Variants in KCND2 observed in about 807,000 individuals in gnomAD.
KCND2 encodes the protein potassium voltage-gated channel subfamily D member 2.
A neutral mutation model predicts 54.4 loss-of-function variants in KCND2; 16 were observed. That is an observed-to-expected ratio of 0.29 (90% CI 0.20 to 0.45). KCND2 has a LOEUF of 0.45. Ranked by LOEUF, KCND2 falls within the 20% of genes least tolerant of loss-of-function variation. The pLI is 1.00. For synonymous variants in KCND2, 317 were observed against 310.7 expected (o/e 1.02, Z -0.21); for missense variants, 486 against 824.2 (o/e 0.59, Z 5.02).
At position 120,381,254 on chromosome 7, in the gene KCND2, C is replaced by CA. The variant is rs375230020; in HGVS notation, c.1115+105514dup. The stretch of plus-strand genomic sequence containing the variant: ...TGGATGATGGAGTGAGACTGTGTCT[C>CA]AAAAAAATTAAATAAACAAATAAAG... On this transcript the variant is annotated intron_variant, in intron 1 of 5. Transcript: ENST00000331113. 2.7e-3 allele frequency among the ~76,000 whole-genome samples: 408 copies of CA among 151,716 alleles called. 2 individuals are homozygous for CA. The highest frequency in any genetic ancestry group is 8.9e-3 in the African/African-American group (369 of 41,362).
chr7:120,589,101 G>A (rs185280304), intron 1 of KCND2, among the ~76,000 whole-genome samples: 2 of 152,102 alleles, frequency 1.3e-5, no homozygotes, highest in East Asian at 1.9e-4. Context: ...GCTAACACAC[G>A]TTTATTATTT....
At chr7:120,387,893 A>G (rs988599758) in intron 1 of KCND2, among the ~76,000 whole-genome samples, 34 of 152,084 alleles carry the variant, frequency 2.2e-4, no homozygotes, top group African/African-American at 7.2e-5. Flanking sequence ...TCTCTAGGTC[A>G]TCATTCCAAA....
At chr7:120,413,834 T>G (rs1801485810) in intron 1 of KCND2, among the ~76,000 whole-genome samples, 1 of 151,966 alleles carries the variant, frequency 6.6e-6, no homozygotes, top group Admixed American at 6.6e-5. Flanking sequence ...TTTTTTTCTA[T>G]GGAAGGCTTA....
At chr7:120,713,608 G>A (rs906052670) in intron 1 of KCND2, among the ~76,000 whole-genome samples, 1 of 152,130 alleles carries the variant, frequency 6.6e-6, no homozygotes, top group African/African-American at 2.4e-5. Context: ...ATAAATCTGG[G>A]CAAATATGAC....
Position 120,347,053 on chromosome 7 carries a change from T to A in KCND2, c.1115+71306T>A, listed in dbSNP as rs147592782. On this transcript the variant is annotated intron_variant, in intron 1 of 5. Transcript: ENST00000331113. ...ATGTCTCATGGCTCTTTTTTTTTTG[T>A]TCGAAGCTGTAATATGAGCAACATT... is the stretch of plus-strand genomic sequence containing the variant. Among the ~76,000 whole-genome samples, 358 of 152,230 alleles carry A rather than the reference T, an allele frequency of 2.4e-3. 1 individual carries two copies. Among genetic ancestry groups the A allele is most frequent in the African/African-American group, 8.2e-3 (341 of 41,524 alleles).
At chr7:120,415,400 C>T (rs1801511057) in intron 1 of KCND2, among the ~76,000 whole-genome samples, 1 of 152,218 alleles carries the variant, frequency 6.6e-6, no homozygotes, top group Non-Finnish European at 1.5e-5. Flanking sequence ...ATACCCCCGC[C>T]TGCATCTGCA....
intron 1 of KCND2, among the ~76,000 whole-genome samples, chr7:120,721,103 A>G (rs185436911): frequency 6.5e-4 from 99 of 152,296 alleles, no homozygotes; most frequent in Non-Finnish European, 2.1e-4. Flanking sequence ...AATAATTTTT[A>G]TGGAAGTTTC....
rs774658811 is a variant in KCND2, at chr7:120,289,069, CACACACACAGAGAG to C, written c.1115+13324_1115+13337del. On this transcript the variant is annotated intron_variant, in intron 1 of 5. Coordinates refer to ENST00000331113, the MANE Select transcript of KCND2 (RefSeq NM_012281.3). ...ACACACACACACACACACACACACA[CACACACACAGAGAG>C]AGAGAGAGAGACTAGGAGAAAGAAA... Among the ~76,000 whole-genome samples the C allele has an allele frequency of 1.4e-3, 197 of 139,464 alleles. 3 individuals carry two copies. In the East Asian group the frequency reaches 0.023, roughly 17 times the overall value. 91.5% of individuals were successfully genotyped at this position (139,464 alleles called of 152,430 possible).
intron 3 of KCND2, among the ~76,000 whole-genome samples, chr7:120,742,034 G>A (rs1179130192): frequency 6.6e-6 from 1 of 152,158 alleles, no homozygotes; most frequent in Non-Finnish European, 1.5e-5. Flanking sequence ...TCATAACGAA[G>A]AGGGAATACT....
intron 1 of KCND2, among the ~76,000 whole-genome samples, chr7:120,560,551 T>G (rs1220172868): frequency 1.3e-5 from 2 of 152,190 alleles, no homozygotes; most frequent in African/African-American, 4.8e-5. Context: ...AAGCTAAAAT[T>G]TTTTGCACTT....
intron 1 of KCND2, among the ~76,000 whole-genome samples, chr7:120,586,171 A>G (rs1009402502): frequency 2.0e-5 from 3 of 151,940 alleles, no homozygotes; most frequent in African/African-American, 7.2e-5. Flanking sequence ...ACACAGACAC[A>G]CACACACACA....
chr7:120,583,503 A>G (rs948507031), intron 1 of KCND2, among the ~76,000 whole-genome samples: 29 of 152,124 alleles, frequency 1.9e-4, no homozygotes, highest in African/African-American at 7.0e-4. Flanking sequence ...ACAGTTCTGG[A>G]GAAAATGCAG....
intron 1 of KCND2, among the ~76,000 whole-genome samples, chr7:120,511,235 A>G (rs997385420): frequency 2.5e-4 from 38 of 151,878 alleles, no homozygotes; most frequent in African/African-American, 8.9e-4. Context: ...TATCAAGGAG[A>G]TCTTCCCAAA....
chr7:120,577,972 A>G (rs1288976519), intron 1 of KCND2, among the ~76,000 whole-genome samples: 2 of 152,078 alleles, frequency 1.3e-5, no homozygotes, highest in African/African-American at 4.8e-5. Context: ...AAGCTGAGGC[A>G]GGAGGATCTC....
At chr7:120,714,068 A>G (rs1792573422) in intron 1 of KCND2, among the ~76,000 whole-genome samples, 1 of 152,150 alleles carries the variant, frequency 6.6e-6, no homozygotes, top group African/African-American at 2.4e-5. Flanking sequence ...GAGCACATCA[A>G]TTATTATTTA....
intron 1 of KCND2, among the ~76,000 whole-genome samples, chr7:120,658,034 C>T (rs544536382): frequency 4.6e-5 from 7 of 152,138 alleles, no homozygotes; most frequent in South Asian, 2.1e-4. Flanking sequence ...TTAAGAGAAG[C>T]TAATAAATTT....
chr7:120,353,451 G>A (rs1031733331), intron 1 of KCND2, among the ~76,000 whole-genome samples: 1 of 151,986 alleles, frequency 6.6e-6, no homozygotes, highest in African/African-American at 2.4e-5. Flanking sequence ...TGTACTGAGT[G>A]ACTAATTAGA....
chr7:120,395,324 T>G (rs1252053411), intron 1 of KCND2, among the ~76,000 whole-genome samples: 3 of 152,102 alleles, frequency 2.0e-5, no homozygotes, highest in Non-Finnish European at 4.4e-5. Context: ...AAATGTTAGC[T>G]AGATTGATGG....
chr7:120,492,858 A>C (rs1410971988), intron 1 of KCND2, among the ~76,000 whole-genome samples: 3 of 152,124 alleles, frequency 2.0e-5, no homozygotes, highest in Non-Finnish European at 4.4e-5. Flanking sequence ...TCAAGTATTG[A>C]TGATCATATT....
Sources: allele counts gnomAD v4.1 joint callset (sites outside exome capture counted in the v4.1 genomes callset), GRCh38; gene constraint gnomAD v4.1.1; transcripts MANE v1.5; gene names NCBI Gene and HGNC (gene_info 2026-07-23, HGNC 2026-07-21).